ADAM18: variants seen among roughly 807,000 people sequenced by gnomAD.
The protein encoded by ADAM18 is ADAM metallopeptidase domain 18, also known as disintegrin and metalloproteinase domain-containing protein 18.
In ADAM18, 117 loss-of-function variants were observed where a neutral mutation model predicts 94.4. The ratio of observed to expected loss-of-function variants is 1.24; its 90% CI spans 1.07 to 1.45. The LOEUF is 1.45. ADAM18 is among the 40% of genes most tolerant of loss of function. The pLI is 0.00. For missense variants in ADAM18, 936 were observed against 880.0 expected, an observed-to-expected ratio of 1.06 and a Z score of -0.81; for synonymous variants, 327 against 291.6, an observed-to-expected ratio of 1.12 and a Z score of -1.24.
At chr8:39,652,226 C>T (rs1325922209) in intron 12 of ADAM18, among the ~76,000 whole-genome samples, 2 of 151,962 alleles carry the variant, frequency 1.3e-5, no homozygotes, top group East Asian at 3.9e-4. Flanking sequence ...AAAGCTTCTA[C>T]ACAACAAAGG....
At position 39,683,029 on chromosome 8, in the gene ADAM18, G is replaced by A. The variant is rs143676019; in HGVS notation, c.1821+2803G>A. ...CCAAGTGAGGGATGGACATAGTGAC[G>A]TGCTTCTAACAAATAGAGTATGGAA... On this transcript the variant is annotated intron_variant, in intron 16 of 19. Transcript: ENST00000265707. Among the ~76,000 whole-genome samples, 8 of 152,256 alleles carry A rather than the reference G, an allele frequency of 5.3e-5. No individual in the cohort carries two copies. The East Asian group carries it at 1.2e-3, about 22-fold the overall frequency.
At chr8:39,636,296 C>T (rs1327662997) in intron 7 of ADAM18, among the ~76,000 whole-genome samples, 1 of 152,030 alleles carries the variant, frequency 6.6e-6, no homozygotes, top group East Asian at 1.9e-4. Context: ...AACAATTAAC[C>T]CTTATATTTC....
chr8:39,690,015 C>T (rs1302082936), intron 16 of ADAM18, among the ~76,000 whole-genome samples: 1 of 152,076 alleles, frequency 6.6e-6, no homozygotes, highest in African/African-American at 2.4e-5. Context: ...GCTCATTTGT[C>T]TGTTGGTGTA....
rs115497282 is a variant in ADAM18, at chr8:39,662,608, T to C, written c.1231-1187T>C. Reference sequence around the variant, plus strand: ...ATAATATTTGTTTTTTAAGATTCTTTAAAGTTATTACCTAATTTATTTGTT... The same window carrying C: ...ATAATATTTGTTTTTTAAGATTCTTCAAAGTTATTACCTAATTTATTTGTT... On this transcript the variant is annotated intron_variant, in intron 12 of 19. Coordinates refer to ENST00000265707, the MANE Select transcript of ADAM18 (RefSeq NM_014237.3). Among the ~76,000 whole-genome samples, 911 of 152,306 alleles carry C rather than the reference T, an allele frequency of 6.0e-3. 5 individuals are homozygous for C. Among genetic ancestry groups the C allele is most frequent in the African/African-American group, 0.021 (868 of 41,558 alleles).
chr8:39,677,375 C>A, intron 14 of ADAM18, 56 bp from the exon 15 acceptor site: 2 of 1,393,582 alleles, frequency 1.4e-6, no homozygotes, highest in Non-Finnish European at 2.0e-6. Context: ...CTGTTACTGA[C>A]AAACATTTAA....
chr8:39,660,749 A>C (rs2129579987), intron 12 of ADAM18, among the ~76,000 whole-genome samples: 1 of 152,368 alleles, frequency 6.6e-6, no homozygotes, highest in East Asian at 1.9e-4. Flanking sequence ...TGAACATTCC[A>C]GTCCTGTAAT....
At chr8:39,658,368 A>T (rs1204559269) in intron 12 of ADAM18, among the ~76,000 whole-genome samples, 1 of 152,136 alleles carries the variant, frequency 6.6e-6, no homozygotes, top group Non-Finnish European at 1.5e-5. Context: ...GATGCATCCA[A>T]TTGCTCAGAT....
rs560086246 is a variant in ADAM18 at position 39,585,301 on chromosome 8, C to T, written c.81C>T (p.Val27=). 3.1e-6 allele frequency: 5 copies of T among 1,613,360 alleles called. No homozygotes were observed. The highest frequency in any genetic ancestry group is 2.2e-5 in the South Asian group (2 of 90,882). ...GTTCTGAAGGAATATTTCTGCATGT[C>T]ACAGTTCCACGGAAGATTAAGTCAA... ...HEGSEGIFLH[V]TVPRKIKSND... Residue 27 remains valine (V), a synonymous_variant, in exon 2 of 20, where the codon GTC becomes GTT. Transcript: ENST00000265707.
At chr8:39,669,301 T>C (rs1821084523) in intron 14 of ADAM18, among the ~76,000 whole-genome samples, 1 of 150,904 alleles carries the variant, frequency 6.6e-6, no homozygotes, top group African/African-American at 2.4e-5. Context: ...ATTATTATTA[T>C]ACTCTTTTTT....
rs573679793 is a variant in ADAM18 at position 39,648,634 on chromosome 8, T to A, written c.1230+107T>A. ...ATGATATATGCAACAATGCCATTAA[T>A]TTATAACTGAAATATGAGAAACAGG... On this transcript the variant is annotated intron_variant, in intron 12 of 19. Transcript: ENST00000265707. 35 of 1,020,606 alleles carry A rather than the reference T, an allele frequency of 3.4e-5. No individual in the cohort carries two copies. In the African/African-American group the frequency reaches 5.8e-4, roughly 17 times the overall value. The allele number at this position is 1,020,606 out of a possible 1,614,324, so 63.2% of individuals were successfully genotyped here.
chr8:39,678,245 G>A (rs966925519), intron 15 of ADAM18, among the ~76,000 whole-genome samples: 1 of 152,126 alleles, frequency 6.6e-6, no homozygotes, highest in African/African-American at 2.4e-5. Flanking sequence ...CTTATAGCCA[G>A]GAAAAACCAT....
intron 19 of ADAM18, among the ~76,000 whole-genome samples, chr8:39,726,374 G>A (rs1448746752): frequency 2.6e-5 from 4 of 151,824 alleles, no homozygotes; most frequent in East Asian, 1.9e-4. Flanking sequence ...TGGTCCTCCC[G>A]CCTCAGCCTC....
At chr8:39,691,700 C>G (rs1025527752) in intron 16 of ADAM18, among the ~76,000 whole-genome samples, 3 of 151,768 alleles carry the variant, frequency 2.0e-5, no homozygotes, top group African/African-American at 7.3e-5. Flanking sequence ...ACTTGGAGAC[C>G]ATTGTATTAA....
At chr8:39,667,874 T>C in intron 13 of ADAM18, 124 bp from the exon 14 acceptor site, 1 of 961,302 alleles carries the variant, frequency 1.0e-6, no homozygotes, top group Non-Finnish European at 1.5e-6. Context: ...ACTCACGGAC[T>C]TGGGAACTCT....
chr8:39,694,081 A>G (rs984444211), intron 17 of ADAM18, among the ~76,000 whole-genome samples: 1 of 151,342 alleles, frequency 6.6e-6, no homozygotes, highest in African/African-American at 2.4e-5. Context: ...TAATCTAAGC[A>G]TCAGTATAAA....
chr8:39,612,991 C>T (rs1198383725), intron 6 of ADAM18, among the ~76,000 whole-genome samples: 2 of 152,172 alleles, frequency 1.3e-5, no homozygotes, highest in Non-Finnish European at 2.9e-5. Flanking sequence ...TACATGTACA[C>T]ATGCAGACCC....
chr8:39,679,119 G>T (rs1006726758), intron 15 of ADAM18, among the ~76,000 whole-genome samples: 11 of 152,144 alleles, frequency 7.2e-5, no homozygotes, highest in African/African-American at 2.7e-4. Flanking sequence ...TTAGGTTCTG[G>T]CTCTTAATCT....
intron 10 of ADAM18, 126 bp from the exon 11 acceptor site, chr8:39,645,212 A>G: frequency 1.3e-6 from 1 of 784,528 alleles, no homozygotes; most frequent in Non-Finnish European, 1.9e-6. Flanking sequence ...TACCAAAATA[A>G]TTGTTGTGAA....
intron 17 of ADAM18, among the ~76,000 whole-genome samples, chr8:39,700,142 A>C (rs1271595829): frequency 3.3e-5 from 5 of 152,192 alleles, no homozygotes; most frequent in Non-Finnish European, 5.9e-5. Context: ...CTAGAAATTA[A>C]AGTTATGGCA....
Sources: allele counts gnomAD v4.1 joint callset (sites outside exome capture counted in the v4.1 genomes callset), GRCh38; gene constraint gnomAD v4.1.1; transcripts MANE v1.5; gene names NCBI Gene and HGNC (gene_info 2026-07-23, HGNC 2026-07-21).